Variants in GLT1D1 observed in about 807,000 individuals in gnomAD.
The protein encoded by GLT1D1 is glycosyltransferase 1 domain-containing protein 1.
Under a neutral mutation model 28.7 loss-of-function variants are expected in GLT1D1, and 21 were observed. The observed-to-expected ratio is 0.73, with a 90% CI of 0.52 to 1.05. The LOEUF is 1.05. Ranked by LOEUF, GLT1D1 falls within the 50% of genes least tolerant of loss-of-function variation. The pLI, the probability that GLT1D1 is intolerant of heterozygous loss-of-function variation, is 0.00. For synonymous variants in GLT1D1, 147 were observed against 124.8 expected (o/e 1.18, Z -1.19); for missense variants, 343 against 330.6 (o/e 1.04, Z -0.29).
At chr12:128,964,066 C>T (rs1002540955) in intron 7 of GLT1D1, among the ~76,000 whole-genome samples, 6 of 152,238 alleles carry the variant, frequency 3.9e-5, no homozygotes, top group Middle Eastern at 3.4e-3. Context: ...GTGGAAGGGC[C>T]GAGACAGCTC....
chr12:128,906,948 T>C, intron 4 of GLT1D1: 1 of 702,636 alleles, frequency 1.4e-6, no homozygotes, highest in South Asian at 1.5e-5. Context: ...GTGCAGTTCC[T>C]GTACAGGTGA....
At position 128,982,518 on chromosome 12, in the gene GLT1D1, C is replaced by T. The variant is rs568338458; in HGVS notation, c.640-411C>T. ...GGGGTCATATTGTATGGGGCTCAGA[C>T]TCTGGGGTAACACCTAATTTCACAT... On this transcript the variant is annotated intron_variant, in intron 7 of 7. Coordinates refer to ENST00000281703, the MANE Select transcript of GLT1D1 (RefSeq NM_144669.3). 3.9e-5 allele frequency among the ~76,000 whole-genome samples: 6 copies of T among 152,258 alleles called. No individual in the cohort carries two copies. In the South Asian group the frequency reaches 1.2e-3, roughly 32 times the overall value.
chr12:128,946,810 G>C (rs973236065), intron 5 of GLT1D1, among the ~76,000 whole-genome samples: 2 of 151,670 alleles, frequency 1.3e-5, no homozygotes, highest in Admixed American at 6.6e-5. Flanking sequence ...CACCACGCCT[G>C]GCTAATATTT....
intron 5 of GLT1D1, among the ~76,000 whole-genome samples, 161 bp downstream of exon 9, chr12:128,945,530 T>C (rs570621214): frequency 6.6e-6 from 1 of 152,356 alleles, no homozygotes; most frequent in Admixed American, 6.5e-5. Context: ...CTAGGCACTA[T>C]TATTTGCCCA....
intron 2 of GLT1D1, among the ~76,000 whole-genome samples, chr12:128,881,595 A>T (rs868671674): frequency 7.9e-5 from 9 of 114,632 alleles, no homozygotes; most frequent in Middle Eastern, 4.4e-3. Flanking sequence ...TATATATATA[A>T]AATTTATAGA....
rs555727182 is a variant in GLT1D1, at chr12:128,875,625, C to T, written c.69-289C>T. ...CAGCTTGGCCAACATGGTGAAACCC[C>T]GTTTCTACTAAAAATACAAAAAATT... is the stretch of plus-strand genomic sequence containing the variant. On this transcript the variant is annotated intron_variant, in intron 1 of 7. Transcript: ENST00000281703. Among the ~76,000 whole-genome samples, 8 of 152,128 alleles carry T rather than the reference C, an allele frequency of 5.3e-5. 2 individuals are homozygous for T. In the South Asian group the frequency reaches 8.3e-4, roughly 16 times the overall value.
At chr12:128,912,893 C>T (rs531444791) in intron 4 of GLT1D1, among the ~76,000 whole-genome samples, 1 of 152,254 alleles carries the variant, frequency 6.6e-6, no homozygotes, top group Admixed American at 6.5e-5. Flanking sequence ...TGGTCTTGAA[C>T]TCCTGGGCTC....
intron 3 of GLT1D1, 97 bp downstream of exon 3, chr12:128,888,841 T>C: frequency 1.3e-6 from 1 of 784,238 alleles, no homozygotes; most frequent in Non-Finnish European, 2.1e-6. Context: ...GCCGGGAAGG[T>C]TTACATCTTA....
chr12:128,974,233 T>C (rs1879542345), intron 7 of GLT1D1, among the ~76,000 whole-genome samples: 1 of 152,168 alleles, frequency 6.6e-6, no homozygotes, highest in Admixed American at 6.5e-5. Context: ...GCGTTTTTAC[T>C]AGCAGGTACC....
chr12:128,950,634 GT>G (rs1876603146), intron 6 of GLT1D1, among the ~76,000 whole-genome samples: 1 of 152,176 alleles, frequency 6.6e-6, no homozygotes, highest in Non-Finnish European at 1.5e-5. Flanking sequence ...AGCTTCACTT[GT>G]TTTGGGGAGG....
In GLT1D1 at chr12:128,899,391, T is replaced by C. The variant is rs939544860; in HGVS notation, c.375+104T>C. 3.2e-6 allele frequency: 3 copies of C among 948,892 alleles called. No homozygotes were observed. The South Asian group carries it at 3.9e-5, about 12-fold the overall frequency. 58.8% of individuals were successfully genotyped at this position (948,892 alleles called of 1,614,324 possible). On this transcript the variant is annotated intron_variant, in intron 4 of 7. Transcript: ENST00000281703. ...GAGCTGACAGTGTTCCCATGGACGG[T>C]GCCTGTTGCGGCCACAATAGTGTAT...
At chr12:128,979,781 A>T (rs1313763154) in intron 7 of GLT1D1, among the ~76,000 whole-genome samples, 2 of 152,018 alleles carry the variant, frequency 1.3e-5, no homozygotes, top group African/African-American at 4.8e-5. Flanking sequence ...AAATGCACTT[A>T]ATACACCAAC....
At chr12:128,943,956 T>C (rs942765402) in intron 4 of GLT1D1, among the ~76,000 whole-genome samples, 1 of 152,220 alleles carries the variant, frequency 6.6e-6, no homozygotes, top group Middle Eastern at 3.2e-3. Context: ...CAACCACTTA[T>C]TAACTGAACA....
chr12:128,892,310 CGT>C (rs1201602101), intron 3 of GLT1D1, among the ~76,000 whole-genome samples: 1 of 151,846 alleles, frequency 6.6e-6, no homozygotes, highest in African/African-American at 2.4e-5. Flanking sequence ...CATGTGTGTG[CGT>C]GTGTGTGTTA....
intron 4 of GLT1D1, among the ~76,000 whole-genome samples, chr12:128,943,356 T>TC (rs1232410400): frequency 7.5e-6 from 1 of 133,884 alleles, no homozygotes; most frequent in Non-Finnish European, 1.7e-5. Flanking sequence ...CTTTTCTCTC[T>TC]TTTTTTTTTT....
At chr12:128,889,307 C>T (rs1406370785) in intron 3 of GLT1D1, among the ~76,000 whole-genome samples, 5 of 152,160 alleles carry the variant, frequency 3.3e-5, no homozygotes, top group African/African-American at 1.2e-4. Flanking sequence ...CAAGAAGGGT[C>T]ACCAACAGGA....
intron 7 of GLT1D1, among the ~76,000 whole-genome samples, chr12:128,980,226 G>A: frequency 6.6e-6 from 1 of 152,208 alleles, no homozygotes; most frequent in East Asian, 1.9e-4. Flanking sequence ...AGGTGGGGGT[G>A]GCTGGGGTCA....
In GLT1D1 at chr12:128,932,417, G is replaced by T. The variant is rs551772749; in HGVS notation, c.376-12909G>T. 2.0e-5 allele frequency among the ~76,000 whole-genome samples: 3 copies of T among 152,290 alleles called. No homozygotes were observed. The East Asian group carries it at 5.8e-4, about 29-fold the overall frequency. On this transcript the variant is annotated intron_variant, in intron 4 of 7. Transcript: ENST00000281703. ...AGAACACAAAGTAATGAGAGGAAAG[G>T]GTAGCTGGGAGAGGCGGCCCTGCAG...
intron 1 of GLT1D1, among the ~76,000 whole-genome samples, chr12:128,858,396 G>C (rs1450432818): frequency 3.3e-5 from 5 of 152,176 alleles, no homozygotes; most frequent in Admixed American, 3.3e-4. Context: ...TTTCTGCCGG[G>C]CCTGGTGGCT....
Sources: allele counts gnomAD v4.1 joint callset (sites outside exome capture counted in the v4.1 genomes callset), GRCh38; gene constraint gnomAD v4.1.1; transcripts MANE v1.5; gene names NCBI Gene and HGNC (gene_info 2026-07-23, HGNC 2026-07-21).